Variants in NUP107 observed in about 807,000 individuals in gnomAD.
NUP107 encodes nuclear pore complex protein Nup107.
A neutral mutation model predicts 141.0 loss-of-function variants in NUP107; 101 were observed. That is an observed-to-expected ratio of 0.72 (90% CI 0.61 to 0.84). The LOEUF is 0.84. NUP107 is among the 40% of genes least tolerant of loss of function. The probability of loss-of-function intolerance (pLI) is 0.00; values close to 1 mark genes in which losing one functional copy is unlikely to be tolerated. For missense variants in NUP107, 941 were observed against 1,102.7 expected (o/e 0.85, Z 2.08); for synonymous variants, 319 against 363.9 (o/e 0.88, Z 1.41).
Position 68,700,763 on chromosome 12 carries a change from C to A in NUP107, c.590C>A (p.Pro197His), listed in dbSNP as rs767544198. Residue 197 changes from proline to histidine, a missense_variant, in exon 7 of 28, where the codon CCT becomes CAT. Pro to His is a moderately conservative substitution (Grantham distance 77). Coordinates refer to ENST00000229179, the MANE Select transcript of NUP107 (RefSeq NM_020401.4). ...ILSKIVSRAT[P>H]GLQKFSKTAS... The stretch of plus-strand genomic sequence containing the variant: ...AGTAAAATAGTGAGTCGAGCAACAC[C>A]TGGACTTCAAAAATTTTCAAAAACA... 24 of 1,611,358 alleles carry A rather than the reference C, an allele frequency of 1.5e-5. No homozygotes were observed. Among genetic ancestry groups the A allele is most frequent in the Non-Finnish European group, 2.0e-5 (23 of 1,179,250 alleles).
intron 17 of NUP107, among the ~76,000 whole-genome samples, chr12:68,723,543 C>T (rs1303718368): frequency 6.6e-6 from 1 of 152,098 alleles, no homozygotes; most frequent in African/African-American, 2.4e-5. Context: ...TTGCAGTGAG[C>T]CAAGATCGCA....
intron 12 of NUP107, among the ~76,000 whole-genome samples, chr12:68,717,813 C>T (rs1877177618): frequency 6.6e-6 from 1 of 152,050 alleles, no homozygotes; most frequent in Non-Finnish European, 1.5e-5. Context: ...TTTTATCCTG[C>T]CTTTTTAAGA....
chr12:68,708,168 A>T lies in NUP107; in HGVS notation c.730-1070A>T, dbSNP rs188044246. ...GCCTTGAACATCCACAGATTTTGGTATCCACGAGGGGTCCTGGAGCCAATC... is the reference window on the plus strand; with the variant it reads ...GCCTTGAACATCCACAGATTTTGGTTTCCACGAGGGGTCCTGGAGCCAATC... On this transcript the variant is annotated intron_variant, in intron 8 of 27. Coordinates refer to ENST00000229179, the MANE Select transcript of NUP107 (RefSeq NM_020401.4). 3.6e-4 allele frequency among the ~76,000 whole-genome samples: 55 copies of T among 152,298 alleles called. No individual in the cohort carries two copies. The East Asian group carries it at 9.8e-3, about 27-fold the overall frequency.
intron 6 of NUP107, among the ~76,000 whole-genome samples, chr12:68,698,872 A>C (rs868684177): frequency 3.9e-5 from 6 of 152,190 alleles, no homozygotes; most frequent in African/African-American, 1.2e-4. Context: ...GTCAGTATAC[A>C]TTTATCATAA....
At chr12:68,733,694 A>G (rs2136047062) in intron 24 of NUP107, 82 bp downstream of exon 24, 2 of 1,410,376 alleles carry the variant, frequency 1.4e-6, no homozygotes, top group Non-Finnish European at 1.9e-6. Context: ...ACTTTTTTCT[A>G]GAAGTAGTGT....
chr12:68,730,301 A>G (rs1245541012), intron 20 of NUP107, among the ~76,000 whole-genome samples: 2 of 141,948 alleles, frequency 1.4e-5, no homozygotes, highest in South Asian at 2.2e-4. Context: ...GCTCACTGCA[A>G]CCCACCTCCC....
chr12:68,715,863 G>C (rs1877081880), intron 12 of NUP107, 123 bp downstream of exon 12: 1 of 558,650 alleles, frequency 1.8e-6, no homozygotes, highest in African/African-American at 1.9e-5. Flanking sequence ...GGTATTTCTA[G>C]ATCTAACTTC....
In NUP107 at chr12:68,696,753, G is replaced by A. The variant is rs140045603; in HGVS notation, c.449-66G>A. ...CAAATAAATACATTTTCAAACAAACGGAATTACCTAGAAGTACGTCACTTA... is the reference window on the plus strand; with the variant it reads ...CAAATAAATACATTTTCAAACAAACAGAATTACCTAGAAGTACGTCACTTA... On this transcript the variant is annotated intron_variant, in intron 5 of 27. Transcript: ENST00000229179. 1.8e-4 allele frequency: 150 copies of A among 823,364 alleles called. No individual in the cohort carries two copies. The African/African-American group carries it at 1.9e-3, about 11-fold the overall frequency. The allele number at this position is 823,364 out of a possible 1,614,324, so 51.0% of individuals were successfully genotyped here.
At chr12:68,702,503 G>A (rs1167097133) in intron 7 of NUP107, among the ~76,000 whole-genome samples, 1 of 152,096 alleles carries the variant, frequency 6.6e-6, no homozygotes, top group Non-Finnish European at 1.5e-5. Context: ...GACCTCAAGT[G>A]ATCTGCCTGT....
intron 12 of NUP107, among the ~76,000 whole-genome samples, chr12:68,717,401 A>G (rs147403864): frequency 4.1e-4 from 63 of 152,194 alleles, no homozygotes; most frequent in African/African-American, 1.5e-3. Context: ...TTTAATAGCA[A>G]TTTGAGATAA....
intron 12 of NUP107, among the ~76,000 whole-genome samples, chr12:68,717,662 C>T (rs903849211): frequency 2.6e-5 from 4 of 152,130 alleles, no homozygotes; most frequent in African/African-American, 7.2e-5. Flanking sequence ...TATGCAGTAA[C>T]GCCTCATTCT....
chr12:68,688,697 T>C (rs1383020843), intron 1 of NUP107, among the ~76,000 whole-genome samples: 1 of 152,216 alleles, frequency 6.6e-6, no homozygotes, highest in African/African-American at 2.4e-5. Context: ...ATTCCAAGTG[T>C]TGAAATAATT....
intron 1 of NUP107, among the ~76,000 whole-genome samples, chr12:68,687,908 A>G (rs1018210461): frequency 3.9e-5 from 6 of 152,184 alleles, no homozygotes; most frequent in African/African-American, 9.7e-5. Context: ...CAAATTGCCA[A>G]CCTGCATCTG....
At chr12:68,730,293 T>A (rs1028829705) in intron 20 of NUP107, among the ~76,000 whole-genome samples, 8 of 143,094 alleles carry the variant, frequency 5.6e-5, no homozygotes, top group African/African-American at 2.1e-4. Context: ...TGATCTCAGC[T>A]CACTGCAACC....
intron 21 of NUP107, 64 bp from the exon 22 acceptor site, chr12:68,731,543 T>C (rs1592520147): frequency 9.1e-6 from 8 of 874,732 alleles, no homozygotes; most frequent in Non-Finnish European, 1.4e-5. Flanking sequence ...TCATTATGAC[T>C]ATTTAGAGAA....
intron 8 of NUP107, among the ~76,000 whole-genome samples, chr12:68,703,502 G>A (rs1408037652): frequency 6.6e-6 from 1 of 151,478 alleles, no homozygotes; most frequent in Non-Finnish European, 1.5e-5. Context: ...CCAGGTTGGA[G>A]TGCAGTGGCA....
At chr12:68,734,400 T>C (rs1221623900) in intron 24 of NUP107, among the ~76,000 whole-genome samples, 1 of 152,204 alleles carries the variant, frequency 6.6e-6, no homozygotes, top group African/African-American at 2.4e-5. Context: ...TAAAAACTAA[T>C]AGGCTAGTTA....
chr12:68,726,225 C>T (rs183930448), intron 18 of NUP107, among the ~76,000 whole-genome samples: 5 of 152,244 alleles, frequency 3.3e-5, no homozygotes, highest in East Asian at 3.9e-4. Flanking sequence ...ATGCATGTGA[C>T]TTACCATATC....
intron 11 of NUP107, among the ~76,000 whole-genome samples, chr12:68,714,753 G>A (rs1034079664): frequency 1.3e-5 from 2 of 152,110 alleles, no homozygotes; most frequent in South Asian, 2.1e-4. Flanking sequence ...ATGGAAAAAA[G>A]GTAGGTAGAA....
Sources: gnomAD v4.1 joint callset for allele counts (sites outside exome capture counted in the v4.1 genomes callset) on GRCh38, gnomAD v4.1.1 for gene constraint, MANE v1.5 for transcripts, NCBI Gene and HGNC (gene_info 2026-07-23, HGNC 2026-07-21) for gene names.